SH3RF3: variants seen among roughly 807,000 people sequenced by gnomAD.
The protein encoded by SH3RF3 is E3 ubiquitin-protein ligase SH3RF3.
In SH3RF3, 29 loss-of-function variants were observed where a neutral mutation model predicts 66.3. That is an observed-to-expected ratio of 0.44 (90% CI 0.33 to 0.60). The LOEUF (loss-of-function observed/expected upper bound fraction) is 0.60, where lower values mean the gene tolerates loss of function less well. SH3RF3 is among the 20% of genes least tolerant of loss of function. The pLI is 0.04. For missense variants in SH3RF3, 1,194 were observed against 1,190.9 expected (o/e 1.00, Z -0.04); for synonymous variants, 583 against 532.0 (o/e 1.10, Z -1.32).
Position 109,230,414 on chromosome 2 carries a change from TA to T in SH3RF3, c.573+100309del, listed in dbSNP as rs200756506. Among the ~76,000 whole-genome samples, 173 of 151,530 alleles carry T rather than the reference TA, an allele frequency of 1.1e-3. 1 individual carries two copies. The highest frequency in any genetic ancestry group is 3.9e-3 in the African/African-American group (162 of 41,300). ...CAACATGGTGAAACCCCATCTTTAC[TA>T]AAAAAAATGGAAAAATTAGCTGGGC... On this transcript the variant is annotated intron_variant, in intron 1 of 9. Coordinates refer to ENST00000309415, the MANE Select transcript of SH3RF3 (RefSeq NM_001099289.3).
At chr2:109,168,231 A>C (rs1446151281) in intron 1 of SH3RF3, among the ~76,000 whole-genome samples, 1 of 152,220 alleles carries the variant, frequency 6.6e-6, no homozygotes, top group Non-Finnish European at 1.5e-5. Context: ...TTTTCTGGAG[A>C]GATCAAAACT....
chr2:109,137,762 G>A (rs911070972), intron 1 of SH3RF3, among the ~76,000 whole-genome samples: 2 of 152,334 alleles, frequency 1.3e-5, no homozygotes, highest in Non-Finnish European at 2.9e-5. Flanking sequence ...CTGATCAGCC[G>A]TTGTTTTTGC....
At chr2:109,286,202 G>C (rs79031626) in intron 1 of SH3RF3, among the ~76,000 whole-genome samples, 1 of 152,268 alleles carries the variant, frequency 6.6e-6, no homozygotes, top group East Asian at 1.9e-4. Context: ...TTAAAGTAAG[G>C]GCCTGGCAAA....
chr2:109,260,660 A>G lies in SH3RF3; in HGVS notation c.574-87014A>G, dbSNP rs374820231. On this transcript the variant is annotated intron_variant, in intron 1 of 9. Transcript: ENST00000309415. ...AGAGCTGACAGGCTGTCCAGGGCCA[A>G]TGGAGGCCCATGGGAGAAGCGGCCT... is the stretch of plus-strand genomic sequence containing the variant. Among the ~76,000 whole-genome samples the G allele has an allele frequency of 9.9e-5, 15 of 152,256 alleles. No individual in the cohort carries two copies. The East Asian group carries it at 2.7e-3, about 27-fold the overall frequency.
chr2:109,498,664 G>A (rs375754751), intron 9 of SH3RF3, among the ~76,000 whole-genome samples: 117 of 152,330 alleles, frequency 7.7e-4, no homozygotes, highest in Middle Eastern at 3.4e-3. Context: ...GTAGTATCAA[G>A]TAGGTCCAGG....
intron 2 of SH3RF3, among the ~76,000 whole-genome samples, chr2:109,365,560 C>T (rs142656739): frequency 2.6e-5 from 4 of 152,052 alleles, no homozygotes; most frequent in African/African-American, 7.2e-5. Context: ...CAGCTTCTTA[C>T]GTTCTAGACT....
chr2:109,288,876 G>A (rs1006923090), intron 1 of SH3RF3, among the ~76,000 whole-genome samples: 2 of 152,258 alleles, frequency 1.3e-5, no homozygotes, highest in Middle Eastern at 3.4e-3. Context: ...TGGGTGTTCC[G>A]TAAAGAAAGC....
At chr2:109,498,577 G>A (rs769010715) in intron 9 of SH3RF3, among the ~76,000 whole-genome samples, 2 of 152,196 alleles carry the variant, frequency 1.3e-5, no homozygotes, top group African/African-American at 4.8e-5. Context: ...CACTCAGCTC[G>A]ATTTTCAGAC....
chr2:109,459,316 A>G (rs1489684953), intron 8 of SH3RF3, among the ~76,000 whole-genome samples: 4 of 152,156 alleles, frequency 2.6e-5, no homozygotes, highest in African/African-American at 9.7e-5. Flanking sequence ...AGCTGTTCAC[A>G]TGGTCATGGC....
rs146986096 is a variant in SH3RF3 at position 109,261,622 on chromosome 2, A to C, written c.574-86052A>C. ...TGGCATGGGGCTGCAGGTGGTGTTC[A>C]GTGTTCATTGAGACTCTGATGGCTG... On this transcript the variant is annotated intron_variant, in intron 1 of 9. Transcript: ENST00000309415. 9.8e-5 allele frequency among the ~76,000 whole-genome samples: 15 copies of C among 152,314 alleles called. No homozygotes were observed. In the East Asian group the frequency reaches 2.9e-3, roughly 29 times the overall value.
At chr2:109,141,121 G>A (rs1355560703) in intron 1 of SH3RF3, among the ~76,000 whole-genome samples, 1 of 152,168 alleles carries the variant, frequency 6.6e-6, no homozygotes, top group Non-Finnish European at 1.5e-5. Flanking sequence ...CTTCATCCAG[G>A]TGGAAAGATG....
chr2:109,454,341 C>G (rs1440301610), intron 8 of SH3RF3, among the ~76,000 whole-genome samples: 1 of 152,164 alleles, frequency 6.6e-6, no homozygotes, highest in African/African-American at 2.4e-5. Context: ...GTGGGGTGAC[C>G]CGAACCTTCA....
intron 1 of SH3RF3, among the ~76,000 whole-genome samples, chr2:109,325,382 C>CTCAGGCTGGAG (rs1378389839): frequency 8.4e-6 from 1 of 118,678 alleles, no homozygotes; most frequent in African/African-American, 3.3e-5. Flanking sequence ...TGCTCTGTCA[C>CTCAGGCTGGAG]TCAGGCTGGA....
At chr2:109,479,435 T>C (rs570904159) in intron 8 of SH3RF3, among the ~76,000 whole-genome samples, 1 of 152,332 alleles carries the variant, frequency 6.6e-6, no homozygotes, top group Admixed American at 6.5e-5. Flanking sequence ...TTGAGTTCAG[T>C]AGGAACATTT....
intron 1 of SH3RF3, among the ~76,000 whole-genome samples, chr2:109,163,494 G>A (rs1411957072): frequency 7.1e-6 from 1 of 140,330 alleles, no homozygotes; most frequent in Admixed American, 7.5e-5. Context: ...CGCCTCCCGG[G>A]TTCACGCCAT....
intron 1 of SH3RF3, among the ~76,000 whole-genome samples, chr2:109,165,119 C>G (rs781642941): frequency 1.3e-5 from 2 of 152,182 alleles, no homozygotes; most frequent in Non-Finnish European, 2.9e-5. Flanking sequence ...CTGGCTTCCC[C>G]CCTCCTTTAG....
chr2:109,173,641 G>A (rs974606550), intron 1 of SH3RF3, among the ~76,000 whole-genome samples: 68 of 152,134 alleles, frequency 4.5e-4, no homozygotes, highest in African/African-American at 1.6e-3. Context: ...GACCCCTGCT[G>A]AGACTCATTA....
intron 9 of SH3RF3, among the ~76,000 whole-genome samples, chr2:109,499,796 T>C (rs1679343206): frequency 6.6e-6 from 1 of 152,122 alleles, no homozygotes; most frequent in South Asian, 2.1e-4. Flanking sequence ...CTGTCAAACA[T>C]AATCATAGCC....
chr2:109,406,093 C>T (rs940720732), intron 4 of SH3RF3, among the ~76,000 whole-genome samples: 2 of 152,168 alleles, frequency 1.3e-5, no homozygotes, highest in Non-Finnish European at 2.9e-5. Flanking sequence ...TCAGATGGCC[C>T]GTCCTGCTCA....
Sources: allele counts gnomAD v4.1 joint callset (sites outside exome capture counted in the v4.1 genomes callset), GRCh38; gene constraint gnomAD v4.1.1; transcripts MANE v1.5; gene names NCBI Gene and HGNC (gene_info 2026-07-23, HGNC 2026-07-21).